Variants in TMEM178B observed in about 807,000 individuals in gnomAD.
TMEM178B encodes transmembrane protein 178B.
A neutral mutation model predicts 31.0 loss-of-function variants in TMEM178B; 5 were observed. The ratio of observed to expected loss-of-function variants is 0.16; its 90% CI spans 0.08 to 0.34. TMEM178B has a LOEUF of 0.34. Among genes scored for constraint, TMEM178B ranks in the 10% least tolerant of loss-of-function variants. The probability of loss-of-function intolerance (pLI) is 1.00; values close to 1 mark genes in which losing one functional copy is unlikely to be tolerated. For synonymous variants in TMEM178B, 164 were observed against 164.0 expected, an observed-to-expected ratio of 1.00 and a Z score of 0.00; for missense variants, 275 against 400.3, an observed-to-expected ratio of 0.69 and a Z score of 2.67.
intron 2 of TMEM178B, among the ~76,000 whole-genome samples, chr7:141,243,406 G>T (rs1030173563): frequency 6.6e-6 from 1 of 152,010 alleles, no homozygotes; most frequent in Non-Finnish European, 1.5e-5. Context: ...TCTGCTCTAT[G>T]GGGTTATGGC....
intron 2 of TMEM178B, among the ~76,000 whole-genome samples, chr7:141,404,196 T>G (rs1314545327): frequency 6.6e-6 from 1 of 152,110 alleles, no homozygotes; most frequent in Non-Finnish European, 1.5e-5. Context: ...TCCCAGCTAC[T>G]CAGGTGGCTG....
intron 2 of TMEM178B, among the ~76,000 whole-genome samples, chr7:141,336,986 AT>A (rs1799414297): frequency 1.0e-5 from 1 of 97,674 alleles, no homozygotes; most frequent in Non-Finnish European, 2.0e-5. Flanking sequence ...CACCACCCCC[AT>A]CACTACCATC....
chr7:141,198,045 C>T (rs980627336), intron 1 of TMEM178B, among the ~76,000 whole-genome samples: 4 of 98,486 alleles, frequency 4.1e-5, no homozygotes, highest in African/African-American at 1.3e-4. Context: ...CTTCCCTAAT[C>T]TCTTCTTTCC....
intron 1 of TMEM178B, among the ~76,000 whole-genome samples, chr7:141,091,751 G>A (rs1407318817): frequency 6.6e-6 from 1 of 152,244 alleles, no homozygotes; most frequent in Non-Finnish European, 1.5e-5. Flanking sequence ...TTTTAGAGAC[G>A]GAGTCTTGCT....
intron 1 of TMEM178B, among the ~76,000 whole-genome samples, chr7:141,160,388 C>T (rs1210945333): frequency 6.6e-6 from 1 of 152,192 alleles, no homozygotes; most frequent in African/African-American, 2.4e-5. Flanking sequence ...CTGGCTTTTG[C>T]TGTCCCACTG....
At chr7:141,252,212 A>G (rs566946465) in intron 2 of TMEM178B, among the ~76,000 whole-genome samples, 1 of 152,220 alleles carries the variant, frequency 6.6e-6, no homozygotes, top group Admixed American at 6.5e-5. Flanking sequence ...TGGGGCAGGT[A>G]CCAGTCCATG....
At chr7:141,221,803 G>A (rs1797261872) in intron 2 of TMEM178B, among the ~76,000 whole-genome samples, 1 of 152,230 alleles carries the variant, frequency 6.6e-6, no homozygotes, top group South Asian at 2.1e-4. Context: ...AAGTAACCAA[G>A]TTCATGTTGT....
At chr7:141,251,686 G>A (rs903248604) in intron 2 of TMEM178B, among the ~76,000 whole-genome samples, 1 of 152,058 alleles carries the variant, frequency 6.6e-6, no homozygotes, top group African/African-American at 2.4e-5. Context: ...ATTACCCCAG[G>A]TATACTTTAT....
intron 2 of TMEM178B, among the ~76,000 whole-genome samples, chr7:141,248,626 GTATT>G (rs1212791728): frequency 1.3e-5 from 2 of 152,310 alleles, no homozygotes; most frequent in South Asian, 4.1e-4. Flanking sequence ...ACAATGATAA[GTATT>G]TGTATATCGA....
At chr7:141,124,709 A>G (rs910612268) in intron 1 of TMEM178B, among the ~76,000 whole-genome samples, 3 of 152,230 alleles carry the variant, frequency 2.0e-5, no homozygotes, top group Non-Finnish European at 4.4e-5. Flanking sequence ...AATGCCTAAC[A>G]TATGGTATTC....
intron 1 of TMEM178B, among the ~76,000 whole-genome samples, chr7:141,168,867 A>G (rs1458713412): frequency 6.6e-6 from 1 of 152,164 alleles, no homozygotes; most frequent in African/African-American, 2.4e-5. Context: ...TAATAATTGT[A>G]TGTATTTATG....
At chr7:141,101,330 T>G (rs1171253219) in intron 1 of TMEM178B, among the ~76,000 whole-genome samples, 1 of 152,264 alleles carries the variant, frequency 6.6e-6, no homozygotes, top group African/African-American at 2.4e-5. Flanking sequence ...CTTTAACCTT[T>G]AAAAACTGGA....
At chr7:141,264,048 G>C (rs930501680) in intron 2 of TMEM178B, among the ~76,000 whole-genome samples, 1 of 152,198 alleles carries the variant, frequency 6.6e-6, no homozygotes, top group African/African-American at 2.4e-5. Flanking sequence ...AGTATACACG[G>C]AGCATTGCCA....
At position 141,074,486 on chromosome 7, in the gene TMEM178B, A is replaced by C. The variant is rs1351182594; in HGVS notation, c.176A>C (p.Asn59Thr). 1 of 1,536,034 alleles carries C rather than the reference A, an allele frequency of 6.5e-7. No homozygotes were observed. The highest frequency in any genetic ancestry group is 2.0e-5 in the Admixed American group (1 of 51,008). Residue 59 changes from asparagine (N) to threonine (T), a missense_variant, in exon 1 of 4, where the codon AAT becomes ACT. By Grantham distance (65) the Asn-to-Thr change is moderately conservative (BLOSUM62 0). Transcript: ENST00000565468. This position sits in a 1 kb window ranked among gnomAD's most constrained non-coding sequence, Gnocchi z 5.1. ...RRVDPGFIYN[N>T]NNNLPLRASR... ...GTCGACCCCGGCTTCATTTACAACA[A>C]TAACAACAACTTGCCGCTCCGGGCG...
intron 3 of TMEM178B, among the ~76,000 whole-genome samples, chr7:141,454,576 T>TCTCCTCTCC (rs1801927844): frequency 1.3e-5 from 2 of 148,208 alleles, no homozygotes; most frequent in Non-Finnish European, 3.0e-5. Context: ...CTCTCCTCTC[T>TCTCCTCTCC]CTCCTCTCTC....
At chr7:141,447,474 C>T (rs1801781071) in intron 3 of TMEM178B, among the ~76,000 whole-genome samples, 2 of 151,978 alleles carry the variant, frequency 1.3e-5, no homozygotes, top group Admixed American at 6.6e-5. Context: ...GAGATGACTC[C>T]GCCAAGAGCA....
chr7:141,433,405 C>T (rs569089221), intron 2 of TMEM178B, among the ~76,000 whole-genome samples: 3 of 152,180 alleles, frequency 2.0e-5, no homozygotes, highest in Non-Finnish European at 4.4e-5. Flanking sequence ...TTAGATTTGA[C>T]TCTTTAGGTC....
chr7:141,138,633 A>G (rs1364710332), intron 1 of TMEM178B, among the ~76,000 whole-genome samples: 1 of 152,078 alleles, frequency 6.6e-6, no homozygotes, highest in Non-Finnish European at 1.5e-5. Context: ...ACTGAAAAAA[A>G]AAACCTGTTT....
the TMEM178B span, among the ~76,000 whole-genome samples, chr7:141,498,415 T>C: frequency 3.3e-5 from 5 of 152,378 alleles, no homozygotes; most frequent in South Asian, 1.0e-3. Flanking sequence ...ATGTTTGACC[T>C]GGAAGGTCTC....
Sources: allele counts gnomAD v4.1 joint callset (sites outside exome capture counted in the v4.1 genomes callset), GRCh38; gene constraint gnomAD v4.1.1; non-coding constraint Gnocchi (gnomAD v3.1); transcripts MANE v1.5; gene names NCBI Gene and HGNC (gene_info 2026-07-23, HGNC 2026-07-21).